The following PAPPA2 variants were observed in gnomAD, a reference collection of about 807,000 sequenced individuals.
PAPPA2 encodes the protein pappalysin-2.
A neutral mutation model predicts 176.4 loss-of-function variants in PAPPA2; 86 were observed. The ratio of observed to expected loss-of-function variants is 0.49; its 90% CI spans 0.41 to 0.58. PAPPA2 has a LOEUF of 0.58. Ranked by LOEUF, PAPPA2 falls within the 20% of genes least tolerant of loss-of-function variation. PAPPA2 has a pLI of 0.00. For missense variants in PAPPA2, 2,073 were observed against 2,256.9 expected (o/e 0.92, Z 1.65); for synonymous variants, 809 against 852.2 (o/e 0.95, Z 0.88).
chr1:176,716,034 C>T (rs1661353084), intron 12 of PAPPA2, among the ~76,000 whole-genome samples: 1 of 150,862 alleles, frequency 6.6e-6, no homozygotes, highest in African/African-American at 2.4e-5. Context: ...TGAGGTTAAC[C>T]TTCAAAAAAT....
In PAPPA2 at chr1:176,620,664, C is replaced by A. The variant is rs146400168; in HGVS notation, c.1991+25069C>A. On this transcript the variant is annotated intron_variant, in intron 3 of 22. Transcript: ENST00000367662. ...AAACATTTACAAAAATAGTTTCTTGCCTTAGAGCTTTAGTTTCCCAACCCC... is the reference window on the plus strand; with the variant it reads ...AAACATTTACAAAAATAGTTTCTTGACTTAGAGCTTTAGTTTCCCAACCCC... Among the ~76,000 whole-genome samples, 96 of 152,124 alleles carry A rather than the reference C, an allele frequency of 6.3e-4. 1 individual carries two copies. The highest frequency in any genetic ancestry group is 2.2e-3 in the African/African-American group (93 of 41,496).
At position 176,556,404 on chromosome 1, in the gene PAPPA2, T is replaced by C; in HGVS notation, c.82T>C (p.Trp28Arg). 6.2e-7 allele frequency: 1 copy of C among 1,614,198 alleles called. No homozygotes were observed. Among genetic ancestry groups the C allele is most frequent in the Non-Finnish European group, 8.5e-7 (1 of 1,180,036 alleles). ...CTGTTCTGCCAACTCTGAGCTGGGC[T>C]GGACACGCAAGAAATCCTTGGTTGA... ...ALCSANSELG[W>R]TRKKSLVERE... Residue 28 changes from tryptophan to arginine, a missense_variant, in exon 2 of 23, where the codon TGG becomes CGG. Coordinates refer to ENST00000367662, the MANE Select transcript of PAPPA2 (RefSeq NM_020318.3).
intron 12 of PAPPA2, among the ~76,000 whole-genome samples, chr1:176,728,255 A>G (rs1661974963): frequency 6.6e-6 from 1 of 151,888 alleles, no homozygotes; most frequent in South Asian, 2.1e-4. Context: ...ATGAGATATA[A>G]AAGAAGTTAA....
intron 22 of PAPPA2, among the ~76,000 whole-genome samples, chr1:176,842,070 T>G (rs575668035): frequency 2.2e-4 from 34 of 152,320 alleles, no homozygotes; most frequent in Admixed American, 1.9e-3. Flanking sequence ...AGAATAGTAG[T>G]TATAGATGCT....
chr1:176,712,317 C>A (rs898311875), intron 12 of PAPPA2, among the ~76,000 whole-genome samples: 1 of 152,222 alleles, frequency 6.6e-6, no homozygotes, highest in African/African-American at 2.4e-5. Context: ...TCACTGCCCC[C>A]CCTCCAAGGC....
At chr1:176,558,905 A>T (rs1227908893) in intron 2 of PAPPA2, among the ~76,000 whole-genome samples, 2 of 152,154 alleles carry the variant, frequency 1.3e-5, no homozygotes, top group Non-Finnish European at 2.9e-5. Flanking sequence ...ATAGGAGTCT[A>T]TGTGGGTGGC....
intron 17 of PAPPA2, among the ~76,000 whole-genome samples, chr1:176,784,670 T>C (rs1664856247): frequency 6.6e-6 from 1 of 151,492 alleles, no homozygotes; most frequent in African/African-American, 2.4e-5. Context: ...CACTACAACC[T>C]CCGCCTCCCA....
chr1:176,596,739 T>C (rs1654007835), intron 3 of PAPPA2, among the ~76,000 whole-genome samples: 1 of 152,218 alleles, frequency 6.6e-6, no homozygotes, highest in Admixed American at 6.5e-5. Flanking sequence ...AGTTGATGAA[T>C]AAATGGATCT....
chr1:176,528,310 G>T (rs1010760689), intron 1 of PAPPA2, among the ~76,000 whole-genome samples: 2 of 152,132 alleles, frequency 1.3e-5, no homozygotes, highest in African/African-American at 2.4e-5. Context: ...CTCATCCCCT[G>T]ATCCCCTTAC....
chr1:176,485,834 A>T (rs1652622104), intron 1 of PAPPA2, among the ~76,000 whole-genome samples: 2 of 152,216 alleles, frequency 1.3e-5, no homozygotes, highest in Admixed American at 6.5e-5. Flanking sequence ...CATTGATGTT[A>T]ATCTTTTTAT....
intron 1 of PAPPA2, among the ~76,000 whole-genome samples, chr1:176,545,423 T>A (rs1223159738): frequency 1.9e-5 from 2 of 104,360 alleles, no homozygotes; most frequent in Non-Finnish European, 4.1e-5. Context: ...AAAAAATAAA[T>A]AAATAAATAA....
chr1:176,808,823 C>A (rs1356674595), intron 21 of PAPPA2, among the ~76,000 whole-genome samples: 1 of 151,772 alleles, frequency 6.6e-6, no homozygotes, highest in Admixed American at 6.6e-5. Flanking sequence ...TGGAAAAAAT[C>A]AAAAGAAGTG....
chr1:176,740,760 G>A (rs1048128068), intron 14 of PAPPA2, among the ~76,000 whole-genome samples: 19 of 152,148 alleles, frequency 1.2e-4, no homozygotes, highest in African/African-American at 4.6e-4. Flanking sequence ...TGGAGGGATT[G>A]TACTCACAGT....
chr1:176,486,066 C>T (rs1652632114), intron 1 of PAPPA2, among the ~76,000 whole-genome samples: 1 of 152,184 alleles, frequency 6.6e-6, no homozygotes, highest in Non-Finnish European at 1.5e-5. Context: ...ATAAATTCAT[C>T]TTGGTGTGAC....
intron 15 of PAPPA2, among the ~76,000 whole-genome samples, chr1:176,768,109 A>G (rs957876889): frequency 6.6e-6 from 1 of 152,106 alleles, no homozygotes; most frequent in Non-Finnish European, 1.5e-5. Flanking sequence ...TCCCCTTTCT[A>G]TCTTTGACCT....
At chr1:176,714,488 C>G (rs971685987) in intron 12 of PAPPA2, among the ~76,000 whole-genome samples, 11 of 151,896 alleles carry the variant, frequency 7.2e-5, no homozygotes, top group Non-Finnish European at 1.0e-4. Context: ...AACACCCTCA[C>G]CATATTAAAC....
At chr1:176,759,082 A>C (rs1171358179) in intron 14 of PAPPA2, among the ~76,000 whole-genome samples, 1 of 152,342 alleles carries the variant, frequency 6.6e-6, no homozygotes, top group East Asian at 1.9e-4. Flanking sequence ...TGTTTCTTGA[A>C]AAGTGTAGTA....
chr1:176,672,769 C>A (rs182790310), intron 4 of PAPPA2, among the ~76,000 whole-genome samples: 1 of 152,074 alleles, frequency 6.6e-6, no homozygotes, highest in African/African-American at 2.4e-5. Context: ...GCTTTGCCAG[C>A]GTGCATAGCT....
chr1:176,576,591 A>G (rs887814774), intron 2 of PAPPA2, among the ~76,000 whole-genome samples: 5 of 152,110 alleles, frequency 3.3e-5, no homozygotes, highest in South Asian at 4.2e-4. Flanking sequence ...GTCTCTGTCC[A>G]TTACTCACTG....
Sources: allele counts gnomAD v4.1 joint callset (sites outside exome capture counted in the v4.1 genomes callset), GRCh38; gene constraint gnomAD v4.1.1; transcripts MANE v1.5; gene names NCBI Gene and HGNC (gene_info 2026-07-23, HGNC 2026-07-21).